FAT3: variants seen among roughly 807,000 people sequenced by gnomAD.
FAT3 encodes the protein FAT atypical cadherin 3.
In FAT3, 95 loss-of-function variants were observed where a neutral mutation model predicts 310.2. The observed-to-expected ratio is 0.31, with a 90% CI of 0.26 to 0.36. The LOEUF is 0.36. Among genes scored for constraint, FAT3 ranks in the 10% least tolerant of loss-of-function variants. FAT3 has a pLI of 1.00. For missense variants in FAT3, 5,408 were observed against 5,715.6 expected (o/e 0.95, Z 1.74); for synonymous variants, 2,314 against 2,192.9 (o/e 1.06, Z -1.54).
Position 92,764,873 on chromosome 11 carries a change from G to T in FAT3, c.3985-6G>T. 1 of 1,612,982 alleles carries T rather than the reference G, an allele frequency of 6.2e-7. No homozygotes were observed. Among genetic ancestry groups the T allele is most frequent in the South Asian group, 1.1e-5 (1 of 90,986 alleles). ...ACATCTTTCTCTTCTCTCCCTGTGT[G>T]AGTAGATAAAGGCAGTGGACAATGG... is the stretch of plus-strand genomic sequence containing the variant. On this transcript the variant is annotated splice_region_variant and splice_polypyrimidine_tract_variant and intron_variant, in intron 5 of 27. Transcript: ENST00000525166.
intron 2 of FAT3, among the ~76,000 whole-genome samples, chr11:92,437,265 ATG>A (rs1211652590): frequency 1.3e-5 from 2 of 152,222 alleles, no homozygotes; most frequent in African/African-American, 4.8e-5. Context: ...AGAGTTGAAT[ATG>A]TTTTGGTAGT....
chr11:92,542,850 G>A lies in FAT3; in HGVS notation c.3607+17902G>A, dbSNP rs1461540993. On this transcript the variant is annotated intron_variant, in intron 3 of 27. Coordinates refer to ENST00000525166, the MANE Select transcript of FAT3 (RefSeq NM_001367949.2). ...TAGATATCCAAGAGAAATGAAATCG[G>A]TATATTGAAGAGATATTTACACTCT... is the stretch of plus-strand genomic sequence containing the variant. Among the ~76,000 whole-genome samples the A allele has an allele frequency of 2.6e-5, 4 of 151,976 alleles. No homozygotes were observed. In the East Asian group the frequency reaches 7.7e-4, roughly 29 times the overall value.
At chr11:92,573,163 A>G (rs654032) in intron 3 of FAT3, among the ~76,000 whole-genome samples, 112,811 of 152,088 alleles carry the variant, frequency 0.74, 44,103 homozygotes, top group Non-Finnish European at 0.88. Context: ...CCCATTTCTC[A>G]TAAGCCAACA....
intron 3 of FAT3, among the ~76,000 whole-genome samples, chr11:92,536,554 A>G (rs934706606): frequency 1.3e-5 from 2 of 152,174 alleles, no homozygotes; most frequent in African/African-American, 4.8e-5. Context: ...AAGTATTTTA[A>G]AGGGTATTTT....
intron 3 of FAT3, among the ~76,000 whole-genome samples, chr11:92,554,832 C>G (rs905426637): frequency 6.6e-6 from 1 of 152,158 alleles, no homozygotes; most frequent in Non-Finnish European, 1.5e-5. Context: ...TGCACTGCTG[C>G]GCTTGTCACT....
At chr11:92,601,244 C>G (rs935362296) in intron 3 of FAT3, among the ~76,000 whole-genome samples, 1 of 151,798 alleles carries the variant, frequency 6.6e-6, no homozygotes, top group Non-Finnish European at 1.5e-5. Flanking sequence ...AAAAAACATT[C>G]CATACAGGCA....
chr11:92,582,439 TA>T, intron 3 of FAT3, among the ~76,000 whole-genome samples: 1 of 152,036 alleles, frequency 6.6e-6, no homozygotes, highest in East Asian at 1.9e-4. Flanking sequence ...AATATTATCC[TA>T]AAAATTAATT....
At chr11:92,857,095 G>A (rs1948998804) in intron 19 of FAT3, 119 bp from the exon 20 acceptor site, 2 of 1,441,590 alleles carry the variant, frequency 1.4e-6, no homozygotes, top group Non-Finnish European at 9.7e-7. Context: ...TCAGCTCAGA[G>A]CCCACATATC....
chr11:92,643,330 C>T (rs552172), intron 3 of FAT3, among the ~76,000 whole-genome samples: 22,531 of 152,196 alleles, frequency 0.15, 1,812 homozygotes, highest in African/African-American at 0.19. Flanking sequence ...CCAGACAGCC[C>T]TGCAGTGAGC....
chr11:92,301,396 G>A (rs1946994191), intron 1 of FAT3, among the ~76,000 whole-genome samples: 1 of 152,112 alleles, frequency 6.6e-6, no homozygotes, highest in Non-Finnish European at 1.5e-5. Flanking sequence ...CTGGGATGGA[G>A]GTGGCTGGGG....
chr11:92,379,349 C>A (rs1949432978), intron 2 of FAT3, among the ~76,000 whole-genome samples: 1 of 152,124 alleles, frequency 6.6e-6, no homozygotes, highest in African/African-American at 2.4e-5. Flanking sequence ...TCTGTATTTG[C>A]CAAGCCATAG....
At chr11:92,310,700 C>T (rs1381377049) in intron 1 of FAT3, among the ~76,000 whole-genome samples, 1 of 151,772 alleles carries the variant, frequency 6.6e-6, no homozygotes, top group Non-Finnish European at 1.5e-5. Flanking sequence ...CATGTATATA[C>T]ACATATAAGT....
intron 2 of FAT3, among the ~76,000 whole-genome samples, chr11:92,412,661 G>A (rs569070989): frequency 8.1e-6 from 1 of 123,258 alleles, no homozygotes; most frequent in Admixed American, 8.9e-5. Context: ...ATCTTCTTAT[G>A]TTTTCTCAAC....
At chr11:92,333,803 C>A (rs1447409586) in intron 1 of FAT3, among the ~76,000 whole-genome samples, 2 of 151,932 alleles carry the variant, frequency 1.3e-5, no homozygotes, top group Admixed American at 6.6e-5. Flanking sequence ...TTGGTACTCT[C>A]CTCAGTTATA....
intron 2 of FAT3, among the ~76,000 whole-genome samples, chr11:92,414,485 A>G (rs190096393): frequency 6.4e-4 from 98 of 152,308 alleles, no homozygotes; most frequent in Non-Finnish European, 2.8e-4. Flanking sequence ...TTGCAAAATA[A>G]AATGTAGTTA....
chr11:92,411,490 A>C (rs1310443446), intron 2 of FAT3, among the ~76,000 whole-genome samples: 1 of 152,078 alleles, frequency 6.6e-6, no homozygotes, highest in Non-Finnish European at 1.5e-5. Flanking sequence ...TAAGAAATAC[A>C]ATTTCACAGG....
At chr11:92,750,663 G>T (rs542512412) in intron 4 of FAT3, among the ~76,000 whole-genome samples, 2 of 151,162 alleles carry the variant, frequency 1.3e-5, no homozygotes, top group Admixed American at 6.6e-5. Flanking sequence ...TCTCTCTCCT[G>T]ATTTCTCTGA....
At chr11:92,486,283 A>G (rs943675953) in intron 2 of FAT3, among the ~76,000 whole-genome samples, 2 of 151,524 alleles carry the variant, frequency 1.3e-5, no homozygotes, top group Non-Finnish European at 2.9e-5. Context: ...CACTCTCTGA[A>G]CTACGTGTTC....
intron 3 of FAT3, among the ~76,000 whole-genome samples, chr11:92,527,301 A>G (rs1953899077): frequency 6.6e-6 from 1 of 152,156 alleles, no homozygotes; most frequent in South Asian, 2.1e-4. Context: ...CCTCTCTTAA[A>G]TGTAGTTTTT....
Sources: allele counts gnomAD v4.1 joint callset (sites outside exome capture counted in the v4.1 genomes callset), GRCh38; gene constraint gnomAD v4.1.1; transcripts MANE v1.5; gene names NCBI Gene and HGNC (gene_info 2026-07-23, HGNC 2026-07-21).